The following APH1B variants were observed in gnomAD, a reference collection of about 807,000 sequenced individuals.
The protein encoded by APH1B is aph-1B gamma-secretase subunit.
APH1B carries 27 observed loss-of-function variants against 28.2 expected under a neutral mutation model. The observed-to-expected ratio is 0.96, with a 90% CI of 0.70 to 1.32. The LOEUF (loss-of-function observed/expected upper bound fraction) is 1.32. APH1B is among the 40% of genes most tolerant of loss of function. APH1B has a pLI of 0.00. For missense variants in APH1B, 305 were observed against 313.6 expected (o/e 0.97, Z 0.21); for synonymous variants, 141 against 124.6 (o/e 1.13, Z -0.88).
intron 5 of APH1B, 49 bp downstream of exon 5, chr15:63,302,521 G>A (rs1371361916): frequency 5.1e-6 from 8 of 1,583,206 alleles, no homozygotes; most frequent in Non-Finnish European, 6.9e-6. Context: ...TCAAGTCTAT[G>A]TATCTAAAAT....
At chr15:63,293,600 C>T (rs1179237851) in intron 4 of APH1B, among the ~76,000 whole-genome samples, 2 of 151,942 alleles carry the variant, frequency 1.3e-5, no homozygotes, top group Non-Finnish European at 2.9e-5. Context: ...CAGGTTCAAG[C>T]GATTCTCCTG....
intron 4 of APH1B, among the ~76,000 whole-genome samples, chr15:63,290,905 A>T (rs1374313206): frequency 6.6e-6 from 1 of 152,140 alleles, no homozygotes; most frequent in Admixed American, 6.5e-5. Flanking sequence ...GATTTACTTA[A>T]AGGGTGAATA....
intron 4 of APH1B, among the ~76,000 whole-genome samples, chr15:63,300,875 C>T (rs1036941658): frequency 4.6e-5 from 7 of 152,106 alleles, no homozygotes; most frequent in Non-Finnish European, 8.8e-5. Flanking sequence ...TAATTTATAT[C>T]GTAGACCATA....
intron 2 of APH1B, 59 bp downstream of exon 2, chr15:63,279,390 G>A: frequency 6.7e-7 from 1 of 1,501,612 alleles, no homozygotes; most frequent in Non-Finnish European, 9.1e-7. Context: ...TTATGATTTG[G>A]TCATTTGAAA....
At chr15:63,285,750 G>T (rs71393144) in intron 2 of APH1B, among the ~76,000 whole-genome samples, 9,865 of 152,266 alleles carry the variant, frequency 0.065, 441 homozygotes, top group Middle Eastern at 0.16. Context: ...GAGCCACCAT[G>T]CTCGGCTGAA....
chr15:63,291,536 A>C lies in APH1B; in HGVS notation c.478+3990A>C, dbSNP rs139544677. 1.9e-3 allele frequency: 290 copies of C among 152,356 alleles called. 1 individual carries two copies. The highest frequency in any genetic ancestry group is 6.7e-3 in the African/African-American group (279 of 41,580). 9.4% of individuals were successfully genotyped at this position (152,356 alleles called of 1,614,324 possible). ...TGTGATTTAACAGGAATACTGAAGAAGTAAAATTCATATAGAAAGAATGTT... is the reference window on the plus strand; with the variant it reads ...TGTGATTTAACAGGAATACTGAAGACGTAAAATTCATATAGAAAGAATGTT... On this transcript the variant is annotated intron_variant, in intron 4 of 5. Coordinates refer to ENST00000261879, the MANE Select transcript of APH1B (RefSeq NM_031301.4).
rs138800714 is a variant in APH1B at position 63,305,944 on chromosome 15, G to A, written c.*163G>A. On this transcript the variant is annotated 3_prime_UTR_variant, in exon 6 of 6. Coordinates refer to ENST00000261879, the MANE Select transcript of APH1B (RefSeq NM_031301.4). ...GCTTTCACACAACTGCTCTCCGAAA[G>A]GGGTGCTCAGTGGTGTGCGTCCTGG... The A allele has an allele frequency of 4.3e-3, 4,009 of 927,328 alleles. 53 individuals are homozygous for A. Among genetic ancestry groups the A allele is most frequent in the African/African-American group, 0.033 (1,994 of 59,702 alleles). 57.4% of individuals were successfully genotyped at this position (927,328 alleles called of 1,614,324 possible).
In APH1B at chr15:63,305,740, C is replaced by T. The variant is rs1475009097; in HGVS notation, c.733C>T (p.Gln245Ter). ...CRSLKLCLLC[Q>*]DKNFLLYNQR... is the part of the protein sequence containing the mutation. ...AAGCCTGAAACTCTGCCTGCTCTGC[C>T]AAGACAAGAACTTTCTTCTTTACAA... Residue 245 changes from glutamine to a stop codon, truncating the protein, a stop_gained, in exon 6 of 6, where the codon CAA becomes TAA. Transcript: ENST00000261879. LOFTEE classifies it high-confidence loss of function. 1.2e-6 allele frequency: 2 copies of T among 1,614,202 alleles called. No homozygotes were observed. Among genetic ancestry groups the T allele is most frequent in the Admixed American group, 1.7e-5 (1 of 60,020 alleles).
rs1339957300 is a variant in APH1B at position 63,286,597 on chromosome 15, G to A, written c.324G>A (p.Glu108=). 6.2e-7 allele frequency: 1 copy of A among 1,607,332 alleles called. No individual in the cohort carries two copies. The highest frequency in any genetic ancestry group is 8.5e-7 in the Non-Finnish European group (1 of 1,177,666). The change falls in exon 3 of 6, where the codon GAG becomes GAA. Residue 108 remains glutamate (E), a synonymous_variant. Transcript: ENST00000261879. ...GTTTGAAGAGTATAAACCCAGGTGA[G>A]ACAGCACCCTCTATGCGACTGCTGG... is the stretch of plus-strand genomic sequence containing the variant. ...SEGLKSINPG[E]TAPSMRLLAY... is the part of the protein sequence containing the mutation.
intron 2 of APH1B, among the ~76,000 whole-genome samples, chr15:63,279,773 C>G (rs2038365699): frequency 6.6e-6 from 1 of 151,090 alleles, no homozygotes; most frequent in Admixed American, 6.6e-5. Context: ...TATATGTTCT[C>G]TTTGCCACCA....
At chr15:63,287,818 T>G (rs1260268075) in intron 4 of APH1B, among the ~76,000 whole-genome samples, 2 of 152,242 alleles carry the variant, frequency 1.3e-5, no homozygotes, top group Non-Finnish European at 2.9e-5. Flanking sequence ...AAGTGAATTT[T>G]TAAAGGCCAT....
At chr15:63,281,956 A>T (rs2038393730) in intron 2 of APH1B, among the ~76,000 whole-genome samples, 2 of 152,244 alleles carry the variant, frequency 1.3e-5, no homozygotes, top group South Asian at 4.1e-4. Context: ...GCTTTTCTGA[A>T]AGGACCTTTG....
rs188319537 is a variant in APH1B at position 63,300,730 on chromosome 15, C to T, written c.479-1615C>T. On this transcript the variant is annotated intron_variant, in intron 4 of 5. Transcript: ENST00000261879. The stretch of plus-strand genomic sequence containing the variant: ...TTACTGAAATAATTACACGTTTACA[C>T]CAGATATAACAGCTTTCTTTCATCA... Among the ~76,000 whole-genome samples, 5 of 152,338 alleles carry T rather than the reference C, an allele frequency of 3.3e-5. No individual in the cohort carries two copies. The East Asian group carries it at 9.6e-4, about 29-fold the overall frequency.
intron 2 of APH1B, among the ~76,000 whole-genome samples, chr15:63,285,119 G>A (rs1366929998): frequency 6.6e-6 from 1 of 152,194 alleles, no homozygotes; most frequent in Non-Finnish European, 1.5e-5. Flanking sequence ...CAGATGGAGA[G>A]CACCAAAATG....
At chr15:63,303,977 CCACT>C (rs2038661932) in intron 5 of APH1B, among the ~76,000 whole-genome samples, 1 of 151,792 alleles carries the variant, frequency 6.6e-6, no homozygotes. Flanking sequence ...ACTGTTCATA[CCACT>C]CAATTTTCAG....
At chr15:63,288,624 G>T (rs372014945) in intron 4 of APH1B, among the ~76,000 whole-genome samples, 4 of 152,316 alleles carry the variant, frequency 2.6e-5, no homozygotes, top group East Asian at 1.9e-4. Flanking sequence ...GCCTAGAGGA[G>T]AGAGTCAAGG....
chr15:63,303,359 C>T (rs1444340426), intron 5 of APH1B, among the ~76,000 whole-genome samples: 2 of 152,206 alleles, frequency 1.3e-5, no homozygotes, highest in African/African-American at 2.4e-5. Flanking sequence ...ACAACGTTTG[C>T]TCTTGTGTCT....
intron 4 of APH1B, among the ~76,000 whole-genome samples, chr15:63,298,345 A>C (rs1366303709): frequency 1.3e-5 from 2 of 152,066 alleles, no homozygotes; most frequent in Non-Finnish European, 2.9e-5. Flanking sequence ...TGAGTAGCTG[A>C]AACTACAGCT....
intron 2 of APH1B, among the ~76,000 whole-genome samples, chr15:63,284,668 T>A (rs967840345): frequency 1.3e-5 from 2 of 152,226 alleles, no homozygotes; most frequent in African/African-American, 4.8e-5. Context: ...ACTACCATCA[T>A]ATGTGCAGTC....
Sources: gnomAD v4.1 joint callset for allele counts (sites outside exome capture counted in the v4.1 genomes callset) on GRCh38, gnomAD v4.1.1 for gene constraint, MANE v1.5 for transcripts, NCBI Gene and HGNC (gene_info 2026-07-23, HGNC 2026-07-21) for gene names.